The following HMGCLL1 variants were observed in gnomAD, a reference collection of about 807,000 sequenced individuals.
HMGCLL1 encodes 3-hydroxymethyl-3-methylglutaryl-CoA lyase, cytoplasmic.
HMGCLL1 carries 36 observed loss-of-function variants against 39.1 expected under a neutral mutation model. That is an observed-to-expected ratio of 0.92 (90% CI 0.71 to 1.22). The LOEUF (loss-of-function observed/expected upper bound fraction) is 1.22, where lower values mean the gene tolerates loss of function less well. Among genes scored for constraint, HMGCLL1 ranks in the 50% most tolerant of loss-of-function variants. HMGCLL1 has a pLI of 0.00. For synonymous variants in HMGCLL1, 149 were observed against 144.0 expected, an observed-to-expected ratio of 1.03 and a Z score of -0.25; for missense variants, 451 against 416.5, an observed-to-expected ratio of 1.08 and a Z score of -0.72.
intron 1 of HMGCLL1, among the ~76,000 whole-genome samples, chr6:55,547,345 G>C (rs924361676): frequency 5.3e-5 from 8 of 151,876 alleles, no homozygotes; most frequent in African/African-American, 1.9e-4. Flanking sequence ...CTTGTGTGTA[G>C]CACACACATT....
the HMGCLL1 span, among the ~76,000 whole-genome samples, chr6:55,662,647 G>C: frequency 6.6e-6 from 1 of 150,866 alleles, no homozygotes; most frequent in African/African-American, 2.4e-5. Context: ...AAATTTTCTT[G>C]TGTTGTGTCA....
At chr6:55,650,106 T>TA in the HMGCLL1 span, among the ~76,000 whole-genome samples, 1 of 71,170 alleles carries the variant, frequency 1.4e-5, no homozygotes. Context: ...TATATATATA[T>TA]ATATATATAT....
the HMGCLL1 span, among the ~76,000 whole-genome samples, chr6:55,649,199 C>A: frequency 3.1e-4 from 47 of 152,112 alleles, no homozygotes; most frequent in Admixed American, 1.2e-3. Flanking sequence ...CAGATGATTT[C>A]GTCTCACTCA....
chr6:55,543,440 TATGA>T, intron 1 of HMGCLL1, among the ~76,000 whole-genome samples: 1 of 8,454 alleles, frequency 1.2e-4, no homozygotes, highest in South Asian at 6.3e-3. Flanking sequence ...ATATATCATA[TATGA>T]TATATATGAT....
At position 55,542,923 on chromosome 6, in the gene HMGCLL1, T is replaced by C. The variant is rs1387412602; in HGVS notation, c.109-783A>G. Among the ~76,000 whole-genome samples the C allele has an allele frequency of 4.6e-5, 6 of 129,136 alleles. No homozygotes were observed. In the East Asian group the frequency reaches 1.3e-3, roughly 28 times the overall value. The allele number at this position is 129,136 out of a possible 152,430, so 84.7% of individuals were successfully genotyped here. On this transcript the variant is annotated intron_variant, in intron 1 of 8. Transcript: ENST00000274901. ...GATTATTTATATTGTTATTAGATTG[T>C]TATTATATTACTATATTTATAAGTG...
At chr6:55,461,141 C>T (rs149423587) in intron 7 of HMGCLL1, among the ~76,000 whole-genome samples, 118 of 151,976 alleles carry the variant, frequency 7.8e-4, no homozygotes, top group African/African-American at 2.7e-3. Flanking sequence ...TGTTGACAAG[C>T]AATGTGAACA....
At chr6:55,518,693 C>G (rs1767877326) in intron 3 of HMGCLL1, among the ~76,000 whole-genome samples, 2 of 152,138 alleles carry the variant, frequency 1.3e-5, no homozygotes, top group African/African-American at 4.8e-5. Flanking sequence ...AGGAGACCCT[C>G]TTGGAGAACC....
intron 1 of HMGCLL1, among the ~76,000 whole-genome samples, chr6:55,554,643 G>A (rs1252690140): frequency 6.6e-6 from 1 of 152,074 alleles, no homozygotes; most frequent in Non-Finnish European, 1.5e-5. Flanking sequence ...GAAATATGCT[G>A]AGAACAATCC....
intron 7 of HMGCLL1, among the ~76,000 whole-genome samples, chr6:55,473,966 T>C (rs1233561187): frequency 6.6e-6 from 1 of 151,562 alleles, no homozygotes; most frequent in African/African-American, 2.4e-5. Context: ...TGAAGGACAG[T>C]TGAAATGCAA....
chr6:55,479,052 G>A (rs1765598230), intron 7 of HMGCLL1, among the ~76,000 whole-genome samples: 1 of 151,466 alleles, frequency 6.6e-6, no homozygotes. Context: ...GCTTTAAGTA[G>A]TTTTAATCTT....
chr6:55,500,494 A>G (rs775660917), intron 5 of HMGCLL1, among the ~76,000 whole-genome samples: 49 of 152,002 alleles, frequency 3.2e-4, no homozygotes, highest in Admixed American at 1.3e-3. Context: ...ATAGCTATTG[A>G]TTCTAAGATG....
At chr6:55,511,272 T>C (rs1767443035) in intron 5 of HMGCLL1, among the ~76,000 whole-genome samples, 1 of 152,102 alleles carries the variant, frequency 6.6e-6, no homozygotes, top group Non-Finnish European at 1.5e-5. Flanking sequence ...TGCATTCGCA[T>C]ATAACCAGTA....
chr6:55,477,216 T>G (rs1266602924), intron 7 of HMGCLL1, among the ~76,000 whole-genome samples: 2 of 14,268 alleles, frequency 1.4e-4, no homozygotes, highest in East Asian at 3.9e-3. Flanking sequence ...ATATATTATA[T>G]TATAATATAT....
intron 7 of HMGCLL1, among the ~76,000 whole-genome samples, chr6:55,463,302 C>T (rs1764664631): frequency 6.6e-6 from 1 of 151,978 alleles, no homozygotes; most frequent in Admixed American, 6.6e-5. Flanking sequence ...AAAGTCATGG[C>T]ATTACAGGAG....
chr6:55,570,805 T>A (rs975049438), intron 1 of HMGCLL1, among the ~76,000 whole-genome samples: 2 of 152,174 alleles, frequency 1.3e-5, no homozygotes, highest in Non-Finnish European at 2.9e-5. Flanking sequence ...TTCACGCTGC[T>A]GATAAAGGCA....
chr6:55,480,210 A>AT (rs1190222455), intron 7 of HMGCLL1, among the ~76,000 whole-genome samples: 1 of 151,684 alleles, frequency 6.6e-6, no homozygotes, highest in Non-Finnish European at 1.5e-5. Context: ...GGGAGAAAAT[A>AT]TTTGAAAACT....
intron 1 of HMGCLL1, among the ~76,000 whole-genome samples, chr6:55,543,590 A>ATT: frequency 1.3e-5 from 1 of 77,326 alleles, no homozygotes; most frequent in Non-Finnish European, 2.9e-5. Flanking sequence ...ATATTTATAT[A>ATT]TATATATTTT....
chr6:55,642,067 C>T, the HMGCLL1 span, among the ~76,000 whole-genome samples: 1 of 98,604 alleles, frequency 1.0e-5, no homozygotes, highest in Non-Finnish European at 2.0e-5. Flanking sequence ...CCTCCCCCCA[C>T]CCCACCACAG....
intron 7 of HMGCLL1, among the ~76,000 whole-genome samples, chr6:55,468,985 G>A (rs1353149197): frequency 7.2e-5 from 11 of 151,768 alleles, no homozygotes; most frequent in Admixed American, 5.3e-4. Flanking sequence ...TGAATAGCAT[G>A]TATTTAGCAG....
Sources: gnomAD v4.1 joint callset for allele counts (sites outside exome capture counted in the v4.1 genomes callset) on GRCh38, gnomAD v4.1.1 for gene constraint, MANE v1.5 for transcripts, NCBI Gene and HGNC (gene_info 2026-07-23, HGNC 2026-07-21) for gene names.